DST: variants seen among roughly 807,000 people sequenced by gnomAD.
DST encodes the protein bullous pemphigoid antigen.
In DST, 253 loss-of-function variants were observed where a neutral mutation model predicts 875.2. That is an observed-to-expected ratio of 0.29 (90% CI 0.26 to 0.32). The LOEUF is 0.32. DST is among the 10% of genes least tolerant of loss of function. DST has a pLI of 1.00. For synonymous variants in DST, 3,124 were observed against 3,197.1 expected, an observed-to-expected ratio of 0.98 and a Z score of 0.77; for missense variants, 8,287 against 9,111.6, an observed-to-expected ratio of 0.91 and a Z score of 3.68.
At chr6:56,842,114 A>G (rs1338431653) in intron 4 of DST, among the ~76,000 whole-genome samples, 1 of 152,192 alleles carries the variant, frequency 6.6e-6, no homozygotes, top group African/African-American at 2.4e-5. Context: ...CTACTAATAG[A>G]AAAACTACAT....
At position 56,459,261 on chromosome 6, in the gene DST, T is replaced by C. The variant is rs1168581623; in HGVS notation, c.23201A>G (p.Lys7734Arg). The C allele has an allele frequency of 6.2e-7, 1 of 1,612,042 alleles. No homozygotes were observed. The highest frequency in any genetic ancestry group is 2.2e-5 in the East Asian group (1 of 44,854). The change falls in exon 104 of 104, where the codon AAG becomes AGG. Residue 7734 changes from lysine to arginine, a missense_variant. Physicochemically the swap from Lys to Arg is conservative, Grantham distance 26. Around this residue, in one of 10 missense-constraint regions of DST, gnomAD observed 240 missense variants for 237.3 expected, o/e 1.01. Transcript: ENST00000680361. ...ACTTCCTGGTCGGCTGGGAGTCTTC[T>C]TGGAATCTGAGGAAAGAAGGTAGAG... ...ARVRTQFADS[K>R]KTPSRPGSRA... is the part of the protein sequence containing the mutation.
intron 99 of DST, 91 bp downstream of exon 99, chr6:56,465,987 T>C: frequency 9.6e-7 from 1 of 1,040,334 alleles, no homozygotes; most frequent in South Asian, 1.6e-5. Flanking sequence ...TTGGAATAAA[T>C]GACCAAAATT....
chr6:56,701,511 A>G (rs908491230), intron 8 of DST, among the ~76,000 whole-genome samples: 5 of 148,898 alleles, frequency 3.4e-5, no homozygotes, highest in African/African-American at 1.3e-4. Context: ...CTATTTTTAT[A>G]TACTAAGTGT....
In DST at chr6:56,482,341, T is replaced by G. The variant is rs1286911169; in HGVS notation, c.21403-163A>C. On this transcript the variant is annotated intron_variant, in intron 89 of 103. Coordinates refer to ENST00000680361, the MANE Select transcript of DST (RefSeq NM_001374736.1). ...TTAAGAAGATAGAGATACACATATTTTACAAGAAAACACTTAATATATTAA... is the reference window on the plus strand; with the variant it reads ...TTAAGAAGATAGAGATACACATATTGTACAAGAAAACACTTAATATATTAA... 7.1e-6 allele frequency: 6 copies of G among 848,842 alleles called. No individual in the cohort carries two copies. The East Asian group carries it at 1.5e-4, about 21-fold the overall frequency. 52.6% of individuals were successfully genotyped at this position (848,842 alleles called of 1,614,324 possible).
At chr6:56,615,804 A>G (rs1326820656) in intron 36 of DST, 3 of 1,614,024 alleles carry the variant, frequency 1.9e-6, no homozygotes, top group Non-Finnish European at 2.5e-6. Flanking sequence ...AATTCCAAAC[A>G]TCGGATTCCC....
chr6:56,634,578 A>G lies in DST; in HGVS notation c.3378T>C (p.Asn1126=). ...CCTTCCATTTAGCACGATGAGAGTT[A>G]TTCGCCAAAACACATTCATCGTCTT... ...IYKDDECVLA[N]NSHRAKWKVI... The change falls in exon 26 of 104, where the codon AAT becomes AAC. Residue 1126 remains asparagine, a synonymous_variant. Coordinates refer to ENST00000680361, the MANE Select transcript of DST (RefSeq NM_001374736.1). The G allele has an allele frequency of 1.2e-6, 2 of 1,614,190 alleles. No individual in the cohort carries two copies. Among genetic ancestry groups the G allele is most frequent in the South Asian group, 2.2e-5 (2 of 91,076 alleles).
At chr6:56,480,399 A>G (rs2095362009) in intron 90 of DST, among the ~76,000 whole-genome samples, 1 of 152,202 alleles carries the variant, frequency 6.6e-6, no homozygotes, top group Non-Finnish European at 1.5e-5. Flanking sequence ...CCAAGGTTAT[A>G]CCTAGAATTT....
intron 4 of DST, among the ~76,000 whole-genome samples, chr6:56,765,826 C>T (rs2099631944): frequency 6.6e-6 from 1 of 152,206 alleles, no homozygotes; most frequent in African/African-American, 2.4e-5. Flanking sequence ...TTTTATTCAA[C>T]TTTCCTAAGC....
At chr6:56,839,651 T>C (rs1190545668) in intron 4 of DST, among the ~76,000 whole-genome samples, 1 of 152,028 alleles carries the variant, frequency 6.6e-6, no homozygotes, top group Non-Finnish European at 1.5e-5. Context: ...TTCAAGGGAG[T>C]GTCAGAGCCG....
At chr6:56,489,735 C>G (rs2152435535) in intron 85 of DST, 126 bp from the exon 86 acceptor site, 1 of 929,800 alleles carries the variant, frequency 1.1e-6, no homozygotes, top group East Asian at 2.8e-5. Context: ...AAAATTTCCA[C>G]TGAAGAAGAA....
At chr6:56,889,237 T>G (rs1354534112) in intron 3 of DST, among the ~76,000 whole-genome samples, 1 of 152,220 alleles carries the variant, frequency 6.6e-6, no homozygotes. Flanking sequence ...ACATCTTCCA[T>G]GAAATCCAGA....
chr6:56,532,575 ATT>A, intron 63 of DST, 65 bp from the exon 64 acceptor site: 1 of 1,406,978 alleles, frequency 7.1e-7, no homozygotes, highest in Non-Finnish European at 9.6e-7. Context: ...AGTACAATGT[ATT>A]CTAAGTACAT....
At chr6:56,698,048 C>G (rs1406782173) in intron 9 of DST, among the ~76,000 whole-genome samples, 2 of 152,168 alleles carry the variant, frequency 1.3e-5, no homozygotes, top group African/African-American at 4.8e-5. Flanking sequence ...TACTGGCTCT[C>G]CCTGACATTA....
rs1200831048 is a variant in DST at position 56,645,879 on chromosome 6, G to A, written c.1765C>T (p.Pro589Ser). 1.2e-6 allele frequency: 2 copies of A among 1,613,656 alleles called. No individual in the cohort carries two copies. The highest frequency in any genetic ancestry group is 2.2e-5 in the East Asian group (1 of 44,860). Residue 589 changes from proline (P) to serine (S), a missense_variant, in exon 15 of 104, where the codon CCA becomes TCA. Transcript: ENST00000680361. ...AMLEREKALR[P>S]EVERLEMLQQ... ...CCTCTGGCCTACCTTTCTACTTCTG[G>A]ACGAAGGGCCTTCTCTCTCTCTAGC... is the stretch of plus-strand genomic sequence containing the variant.
chr6:56,649,941 T>C (rs1054128735), intron 12 of DST, among the ~76,000 whole-genome samples: 1 of 151,520 alleles, frequency 6.6e-6, no homozygotes, highest in African/African-American at 2.4e-5. Flanking sequence ...AGCATGAAGG[T>C]TGGGAGAAGC....
chr6:56,582,205 T>C (rs1005837520), intron 49 of DST, among the ~76,000 whole-genome samples: 1 of 152,174 alleles, frequency 6.6e-6, no homozygotes, highest in Non-Finnish European at 1.5e-5. Flanking sequence ...ACCCCTGATA[T>C]AGTTTGGATA....
intron 4 of DST, chr6:56,843,718 G>T: frequency 1.4e-5 from 5 of 355,428 alleles, no homozygotes; most frequent in African/African-American, 3.1e-5. Context: ...AGGGTGGAGG[G>T]TGGAGGGTGG....
intron 2 of DST, among the ~76,000 whole-genome samples, chr6:56,941,422 T>C (rs1480372087): frequency 6.6e-6 from 1 of 152,222 alleles, no homozygotes; most frequent in Non-Finnish European, 1.5e-5. Context: ...ACTTGTATTC[T>C]GACCCAGAAT....
intron 4 of DST, among the ~76,000 whole-genome samples, chr6:56,772,455 C>A (rs552111167): frequency 1.3e-3 from 195 of 152,318 alleles, no homozygotes; most frequent in African/African-American, 4.3e-3. Flanking sequence ...TCTCTTCGAT[C>A]TGCTCCTAGA....
Sources: gnomAD v4.1 joint callset for allele counts (sites outside exome capture counted in the v4.1 genomes callset) on GRCh38, gnomAD v4.1.1 for gene constraint, gnomAD v4.1.1 regional missense constraint, MANE v1.5 for transcripts, NCBI Gene and HGNC (gene_info 2026-07-23, HGNC 2026-07-21) for gene names.